Variants in BCAR1 observed in about 807,000 individuals in gnomAD.
BCAR1 encodes breast cancer anti-estrogen resistance protein 1.
Under a neutral mutation model 67.6 loss-of-function variants are expected in BCAR1, and 30 were observed. That is an observed-to-expected ratio of 0.44 (90% CI 0.33 to 0.60). BCAR1 has a LOEUF of 0.60. Ranked by LOEUF, BCAR1 falls within the 20% of genes least tolerant of loss-of-function variation. The pLI is 0.02. For missense variants in BCAR1, 1,313 were observed against 1,222.3 expected (o/e 1.07, Z -1.11); for synonymous variants, 626 against 556.7 (o/e 1.12, Z -1.75).
intron 5 of BCAR1, among the ~76,000 whole-genome samples, chr16:75,234,384 C>G (rs1040964178): frequency 2.0e-5 from 3 of 152,198 alleles, no homozygotes; most frequent in Non-Finnish European, 2.9e-5. Flanking sequence ...CCTGCCTTCC[C>G]AGGCTCCAAC....
intron 1 of BCAR1, chr16:75,246,253 G>A (rs2077521260): frequency 1.3e-5 from 2 of 152,224 alleles, no homozygotes; most frequent in Non-Finnish European, 2.9e-5. Context: ...TTACAGGCGT[G>A]AGCCACTGTG....
At chr16:75,250,923 G>A (rs1446057163) in intron 1 of BCAR1, 2 of 985,374 alleles carry the variant, frequency 2.0e-6, no homozygotes, top group African/African-American at 1.7e-5. Flanking sequence ...CCGGAACCCC[G>A]CGCCGGCGGC....
chr16:75,235,271 C>T lies in BCAR1; in HGVS notation c.1628G>A (p.Arg543Gln), dbSNP rs755667400. 16 of 1,605,954 alleles carry T rather than the reference C, an allele frequency of 1.0e-5. No homozygotes were observed. The highest frequency in any genetic ancestry group is 1.7e-4 in the Middle Eastern group (1 of 6,046). ...SDRALHAKLS[R>Q]QLQKMEDVHQ... ...CACGTCCTCCATCTTCTGCAGCTGC[C>T]GGCTAAGCTTGGCATGCAGGGCACG... Residue 543 changes from arginine to glutamine, a missense_variant, in exon 5 of 7, where the codon CGG (arginine) becomes CAG (glutamine). Physicochemically the swap from Arg to Gln is conservative, Grantham distance 43. Transcript: ENST00000162330.
intron 1 of BCAR1, among the ~76,000 whole-genome samples, chr16:75,261,624 C>T (rs1451050773): frequency 6.6e-6 from 1 of 152,250 alleles, no homozygotes; most frequent in Non-Finnish European, 1.5e-5. Flanking sequence ...TGCCCCAATG[C>T]AGGTCACTCT....
At position 75,230,347 on chromosome 16, in the gene BCAR1, G is replaced by A. The variant is rs904233189; in HGVS notation, c.2101-324C>T. 5.9e-5 allele frequency among the ~76,000 whole-genome samples: 9 copies of A among 152,276 alleles called. No individual in the cohort carries two copies. In the South Asian group the frequency reaches 6.2e-4, roughly 11 times the overall value. ...CGTCCTGGCTTGGGTACTGTCCCAC[G>A]TGACTTGAGACGTGGCACTGGGGAA... On this transcript the variant is annotated intron_variant, in intron 6 of 6. Coordinates refer to ENST00000162330, the MANE Select transcript of BCAR1 (RefSeq NM_014567.5).
At chr16:75,237,435 T>G in intron 2 of BCAR1, 91 bp from the exon 3 acceptor site, 1 of 1,370,710 alleles carries the variant, frequency 7.3e-7, no homozygotes, top group Non-Finnish European at 9.5e-7. Context: ...TTTTAGGAGG[T>G]GGGCAGGGCA....
At chr16:75,237,522 G>T in intron 2 of BCAR1, 178 bp from the exon 3 acceptor site, 1 of 716,042 alleles carries the variant, frequency 1.4e-6, no homozygotes, top group Non-Finnish European at 2.1e-6. Flanking sequence ...TCCTCTAGCA[G>T]AACGCAGTGC....
chr16:75,264,300 G>C (rs750452057), intron 1 of BCAR1: 1 of 1,423,564 alleles, frequency 7.0e-7, no homozygotes, highest in Non-Finnish European at 9.2e-7. Context: ...GCCCGCCCAG[G>C]CTGGGATGTG....
chr16:75,232,550 C>T (rs1259548511), intron 6 of BCAR1, among the ~76,000 whole-genome samples: 1 of 152,200 alleles, frequency 6.6e-6, no homozygotes, highest in Non-Finnish European at 1.5e-5. Flanking sequence ...CCTGCCTCAG[C>T]CTCCTAAAGT....
chr16:75,241,774 T>C (rs567287521), intron 2 of BCAR1, among the ~76,000 whole-genome samples: 1 of 152,144 alleles, frequency 6.6e-6, no homozygotes, highest in East Asian at 1.9e-4. Context: ...CTGGGCTGAG[T>C]GTCTAGTGCT....
chr16:75,255,819 C>G (rs1245601470), upstream of BCAR1, among the ~76,000 whole-genome samples: 1 of 152,174 alleles, frequency 6.6e-6, no homozygotes, highest in African/African-American at 2.4e-5. Flanking sequence ...TGGTGAAACC[C>G]CGTCTCTACT....
chr16:75,234,421 C>T (rs150050149), intron 5 of BCAR1, among the ~76,000 whole-genome samples: 483 of 152,330 alleles, frequency 3.2e-3, no homozygotes, highest in Admixed American at 5.6e-3. Flanking sequence ...AATCCCTCCC[C>T]CTTGGCCTAA....
At chr16:75,249,195 C>T (rs118022530) in intron 1 of BCAR1, 4,588 of 152,444 alleles carry the variant, frequency 0.03, 103 homozygotes, top group Middle Eastern at 0.11. Flanking sequence ...GCTTGTGATC[C>T]GGGGTTTTGG....
intron 6 of BCAR1, among the ~76,000 whole-genome samples, chr16:75,231,696 T>C (rs2076906624): frequency 6.6e-6 from 1 of 152,192 alleles, no homozygotes; most frequent in Non-Finnish European, 1.5e-5. Context: ...CTAGTATTCA[T>C]CACAGCACTG....
At chr16:75,238,734 T>G in intron 2 of BCAR1, 1 of 985,510 alleles carries the variant, frequency 1.0e-6, no homozygotes. Flanking sequence ...CTCTCCAGAC[T>G]CATCTCCCTC....
chr16:75,237,000 T>G lies in BCAR1; in HGVS notation c.796-2A>C. 1 of 1,595,452 alleles carries G rather than the reference T, an allele frequency of 6.3e-7. No homozygotes were observed. Among genetic ancestry groups the G allele is most frequent in the East Asian group, 2.2e-5 (1 of 44,474 alleles). On this transcript the variant is annotated splice_acceptor_variant, in intron 3 of 6. Coordinates refer to ENST00000162330, the MANE Select transcript of BCAR1 (RefSeq NM_014567.5). LOFTEE classifies it high-confidence loss of function. ...AGCCATGGGGGGTGTGTCATACACC[T>G]GGGGCAGAAACAGTGCAGGGTTAAC...
At chr16:75,232,980 C>G (rs924804057) in intron 6 of BCAR1, among the ~76,000 whole-genome samples, 12 of 152,172 alleles carry the variant, frequency 7.9e-5, no homozygotes, top group Non-Finnish European at 1.3e-4. Context: ...ATAAAGCTCC[C>G]TTAGTGTTTT....
chr16:75,230,002 C>T lies in BCAR1; in HGVS notation c.2122G>A (p.Glu708Lys). The T allele has an allele frequency of 1.9e-6, 3 of 1,545,518 alleles. No homozygotes were observed. The South Asian group carries it at 3.7e-5, about 19-fold the overall frequency. Residue 708 changes from glutamate to lysine, a missense_variant, in exon 7 of 7, where the codon GAA becomes AAA. Physicochemically the swap from Glu to Lys is moderately conservative, Grantham distance 56 (BLOSUM62 1). Around this residue, in one of 2 missense-constraint regions of BCAR1, gnomAD observed 1,272 missense variants for 1,137.5 expected, o/e 1.12. Coordinates refer to ENST00000162330, the MANE Select transcript of BCAR1 (RefSeq NM_014567.5). ...LQQLKQFERL[E>K]QEVSRPIDHD... ...TCTATGGGCCGTGACACCTCCTGTT[C>T]CAGTCGTTCAAACTGCTTCAGCTGG...
chr16:75,259,932 G>A (rs1165683085), intron 1 of BCAR1, among the ~76,000 whole-genome samples: 1 of 149,790 alleles, frequency 6.7e-6, no homozygotes, highest in Non-Finnish European at 1.5e-5. Flanking sequence ...AGTGGCCCAC[G>A]CCTGTAATCC....
Sources: allele counts gnomAD v4.1 joint callset (sites outside exome capture counted in the v4.1 genomes callset), GRCh38; gene constraint gnomAD v4.1.1; regional missense constraint gnomAD v4.1.1; transcripts MANE v1.5; gene names NCBI Gene and HGNC (gene_info 2026-07-23, HGNC 2026-07-21).